GRAMD2B: variants seen among roughly 807,000 people sequenced by gnomAD.
GRAMD2B encodes GRAM domain containing 2B.
A neutral mutation model predicts 59.2 loss-of-function variants in GRAMD2B; 41 were observed. The ratio of observed to expected loss-of-function variants is 0.69; its 90% confidence interval spans 0.54 to 0.90. GRAMD2B has a LOEUF of 0.90. GRAMD2B is among the 40% of genes least tolerant of loss of function. The pLI is 0.00. For synonymous variants in GRAMD2B, 161 were observed against 182.7 expected, an observed-to-expected ratio of 0.88 and a Z score of 0.96; for missense variants, 424 against 500.5, an observed-to-expected ratio of 0.85 and a Z score of 1.46.
intron 1 of GRAMD2B, among the ~76,000 whole-genome samples, chr5:126,431,608 A>G (rs139548100): frequency 1.3e-5 from 2 of 152,344 alleles, no homozygotes; most frequent in East Asian, 1.9e-4. Context: ...GAACAATTCA[A>G]TAGAGGGCAC....
chr5:126,419,011 T>C (rs748262154), upstream of GRAMD2B, among the ~76,000 whole-genome samples: 1 of 152,164 alleles, frequency 6.6e-6, no homozygotes, highest in Non-Finnish European at 1.5e-5. Flanking sequence ...CATCAGACAA[T>C]ATGCAAAAAC....
intron 1 of GRAMD2B, among the ~76,000 whole-genome samples, chr5:126,373,651 T>A (rs1343439111): frequency 6.6e-6 from 1 of 152,234 alleles, no homozygotes; most frequent in Non-Finnish European, 1.5e-5. Context: ...TGTGCATACA[T>A]AAATACATAA....
intron 1 of GRAMD2B, among the ~76,000 whole-genome samples, chr5:126,432,445 A>G (rs1344600341): frequency 6.6e-6 from 1 of 152,202 alleles, no homozygotes; most frequent in East Asian, 1.9e-4. Flanking sequence ...TGTTTCTACA[A>G]ATGATTCTGA....
chr5:126,456,441 G>A lies in GRAMD2B; in HGVS notation c.84-8985G>A, dbSNP rs190827876. On this transcript the variant is annotated intron_variant, in intron 1 of 13. Coordinates refer to ENST00000285689, the MANE Select transcript of GRAMD2B (RefSeq NM_023927.4). ...GTTGTCCAGGCTGGTGTCAAACTGC[G>A]GCTCAAGTGATCCTCCCACCTCAGC... Among the ~76,000 whole-genome samples the A allele has an allele frequency of 2.6e-5, 4 of 151,742 alleles. No homozygotes were observed. In the East Asian group the frequency reaches 5.8e-4, roughly 22 times the overall value.
At chr5:126,489,710 A>G (rs754406160) in intron 13 of GRAMD2B, among the ~76,000 whole-genome samples, 2 of 152,242 alleles carry the variant, frequency 1.3e-5, no homozygotes, top group Non-Finnish European at 2.9e-5. Context: ...GAAATATCCC[A>G]GAAATAAACC....
At chr5:126,364,490 C>T (rs1264401929) in intron 1 of GRAMD2B, among the ~76,000 whole-genome samples, 3 of 152,154 alleles carry the variant, frequency 2.0e-5, no homozygotes, top group Non-Finnish European at 4.4e-5. Context: ...GCTCTTGTCC[C>T]GTACAAAGAC....
At chr5:126,418,985 A>G (rs573472537), upstream of GRAMD2B, among the ~76,000 whole-genome samples, 3 of 152,374 alleles carry the variant, frequency 2.0e-5, no homozygotes, top group Non-Finnish European at 4.4e-5. Context: ...GGTCATTAAC[A>G]TCTTCTAAAA....
upstream of GRAMD2B, chr5:126,423,286 G>T (rs1046168938): frequency 1.4e-5 from 16 of 1,180,688 alleles, no homozygotes; most frequent in African/African-American, 2.3e-4. Flanking sequence ...TTCCTCTCCC[G>T]AAAGACTCGT....
At chr5:126,458,146 G>A (rs1475387449) in intron 1 of GRAMD2B, among the ~76,000 whole-genome samples, 2 of 151,968 alleles carry the variant, frequency 1.3e-5, no homozygotes, top group African/African-American at 4.8e-5. Context: ...TTAAGAATGA[G>A]GGACTGGGCC....
intron 1 of GRAMD2B, among the ~76,000 whole-genome samples, chr5:126,428,038 GC>G: frequency 6.6e-6 from 1 of 152,228 alleles, no homozygotes; most frequent in East Asian, 1.9e-4. Context: ...TTTGAGACCA[GC>G]CTGGCCAACA....
intron 1 of GRAMD2B, among the ~76,000 whole-genome samples, chr5:126,364,378 T>C (rs1754348963): frequency 6.6e-6 from 1 of 152,226 alleles, no homozygotes; most frequent in African/African-American, 2.4e-5. Flanking sequence ...TTATAATTAA[T>C]GATGGAACCT....
intron 1 of GRAMD2B, among the ~76,000 whole-genome samples, chr5:126,402,817 C>A (rs1305325516): frequency 6.6e-6 from 1 of 151,916 alleles, no homozygotes. Flanking sequence ...TTCTAAGATC[C>A]AAAAATATCT....
At chr5:126,390,947 C>CTAAATT (rs1756675991) in intron 1 of GRAMD2B, among the ~76,000 whole-genome samples, 5 of 152,122 alleles carry the variant, frequency 3.3e-5, no homozygotes, top group Non-Finnish European at 7.4e-5. Context: ...ATTCTAAATT[C>CTAAATT]CATACTCTAG....
At chr5:126,435,222 A>G (rs908770596) in intron 1 of GRAMD2B, among the ~76,000 whole-genome samples, 8 of 152,200 alleles carry the variant, frequency 5.3e-5, no homozygotes, top group African/African-American at 1.9e-4. Context: ...ACCATGTGAT[A>G]AGAATTTCAC....
intron 13 of GRAMD2B, among the ~76,000 whole-genome samples, chr5:126,491,968 C>T (rs905984224): frequency 6.6e-6 from 1 of 152,170 alleles, no homozygotes; most frequent in South Asian, 2.1e-4. Context: ...CTCCTGACCT[C>T]GTGATCTGCC....
intron 1 of GRAMD2B, among the ~76,000 whole-genome samples, chr5:126,440,777 C>T (rs1763154158): frequency 6.6e-6 from 1 of 152,040 alleles, no homozygotes; most frequent in African/African-American, 2.4e-5. Context: ...TAAAATAAGG[C>T]ATTACAAAGG....
intron 1 of GRAMD2B, among the ~76,000 whole-genome samples, chr5:126,412,923 C>T (rs1758944618): frequency 6.6e-6 from 1 of 151,940 alleles, no homozygotes; most frequent in Admixed American, 6.6e-5. Flanking sequence ...CTCTGAGGAT[C>T]TTCTGCATTT....
rs200995520 is a variant in GRAMD2B at position 126,480,535 on chromosome 5, T to C, written c.654+8T>C. On this transcript the variant is annotated splice_region_variant and intron_variant, in intron 7 of 13. Coordinates refer to ENST00000285689, the MANE Select transcript of GRAMD2B (RefSeq NM_023927.4). ...GTGTGTGGACACTTAGAAGTGAGTA[T>C]GATGTCCCTGAGCCTCAATTACTGT... is the stretch of plus-strand genomic sequence containing the variant. 6.2e-7 allele frequency: 1 copy of C among 1,610,208 alleles called. No individual in the cohort carries two copies. Among genetic ancestry groups the C allele is most frequent in the African/African-American group, 1.3e-5 (1 of 74,866 alleles).
chr5:126,472,693 A>C lies in GRAMD2B; in HGVS notation c.382+389A>C, dbSNP rs1769845471. 2.0e-5 allele frequency among the ~76,000 whole-genome samples: 3 copies of C among 152,208 alleles called. No homozygotes were observed. In the South Asian group the frequency reaches 6.2e-4, roughly 31 times the overall value. On this transcript the variant is annotated intron_variant, in intron 4 of 13. Coordinates refer to ENST00000285689, the MANE Select transcript of GRAMD2B (RefSeq NM_023927.4). ...ACATGGACAGACATGTGCTGATGCC[A>C]CTATGAAGGGTAAGATAGTCACCTA...
Sources: allele counts gnomAD v4.1 joint callset (sites outside exome capture counted in the v4.1 genomes callset), GRCh38; gene constraint gnomAD v4.1.1; transcripts MANE v1.5; gene names NCBI Gene and HGNC (gene_info 2026-07-23, HGNC 2026-07-21).